Variants in PSORS1C1 observed in about 807,000 individuals in gnomAD.
The protein encoded by PSORS1C1 is psoriasis susceptibility 1 candidate gene 1 protein.
Under a neutral mutation model 9.4 loss-of-function variants are expected in PSORS1C1, and 7 were observed. The ratio of observed to expected loss-of-function variants is 0.75; its 90% CI spans 0.42 to 1.40. The LOEUF is 1.40. Ranked by LOEUF, PSORS1C1 falls within the 40% of genes most tolerant of loss-of-function variation. PSORS1C1 has a pLI of 0.01. For synonymous variants in PSORS1C1, 63 were observed against 69.4 expected, an observed-to-expected ratio of 0.91 and a Z score of 0.46; for missense variants, 146 against 178.1, an observed-to-expected ratio of 0.82 and a Z score of 1.02.
rs377342864 is a variant in PSORS1C1 at position 31,115,978 on chromosome 6, T to G, written c.-229+1087T>G. The G allele has an allele frequency of 2.6e-6, 4 of 1,521,688 alleles. No homozygotes were observed. The highest frequency in any genetic ancestry group is 3.6e-6 in the Non-Finnish European group (4 of 1,099,704). 94.3% of individuals were successfully genotyped at this position (1,521,688 alleles called of 1,614,324 possible). A position where few individuals can be genotyped will look rare whatever the true frequency, so the allele number is the denominator to read the frequency against. ...CTTCTCCCATATGGGATATAGTGTATGTGCTTGTTTGTGCCCAAGGCATGC... is the reference window on the plus strand; with the variant it reads ...CTTCTCCCATATGGGATATAGTGTAGGTGCTTGTTTGTGCCCAAGGCATGC... On this transcript the variant is annotated intron_variant, in intron 1 of 5. Transcript: ENST00000259881. This position sits in a 1 kb window ranked among gnomAD's most constrained non-coding sequence, Gnocchi z 4.2.
At chr6:31,118,843 C>CTTTTTTTTTTTTT (rs9257055) in intron 1 of PSORS1C1, 1 of 120,772 alleles carries the variant, frequency 8.3e-6, no homozygotes, top group Non-Finnish European at 1.6e-5. Context: ...TCTTCTTCTT[C>CTTTTTTTTTTTTT]TTTTTTTTTT....
Position 31,139,165 on chromosome 6 carries a change from G to C in PSORS1C1, c.167+386G>C, listed in dbSNP as rs1383505844. 1.5e-6 allele frequency: 1 copy of C among 682,444 alleles called. No homozygotes were observed. Among genetic ancestry groups the C allele is most frequent in the East Asian group, 2.7e-5 (1 of 36,844 alleles). 42.3% of individuals were successfully genotyped at this position (682,444 alleles called of 1,614,324 possible). ...CATCAGAACAGAACTGGTCAAACCC[G>C]TTGGGAAGGCCTGGGCTGATGTGTC... On this transcript the variant is annotated intron_variant, in intron 5 of 5. Coordinates refer to ENST00000259881, the MANE Select transcript of PSORS1C1 (RefSeq NM_014068.3). The surrounding 1 kb of genome is among the most constrained non-coding windows in gnomAD (Gnocchi z 5.2).
intron 3 of PSORS1C1, among the ~76,000 whole-genome samples, chr6:31,133,395 C>T (rs1773006095): frequency 6.6e-6 from 1 of 152,112 alleles, no homozygotes; most frequent in African/African-American, 2.4e-5. Flanking sequence ...CACACGAAGG[C>T]TGATGCACAT....
Position 31,139,060 on chromosome 6 carries a change from T to A in PSORS1C1, c.167+281T>A. The stretch of plus-strand genomic sequence containing the variant: ...ACTGGCCCCCAAAGCTGGGGTGGGC[T>A]GAGTCTGGGTGCCTGGGAACCCCAA... On this transcript the variant is annotated intron_variant, in intron 5 of 5. Coordinates refer to ENST00000259881, the MANE Select transcript of PSORS1C1 (RefSeq NM_014068.3). This position sits in a 1 kb window ranked among gnomAD's most constrained non-coding sequence, Gnocchi z 5.2. 1 of 1,603,030 alleles carries A rather than the reference T, an allele frequency of 6.2e-7. No individual in the cohort carries two copies. Among genetic ancestry groups the A allele is most frequent in the East Asian group, 2.2e-5 (1 of 44,810 alleles).
chr6:31,121,159 CA>C (rs1431212781), intron 1 of PSORS1C1, among the ~76,000 whole-genome samples: 2 of 122,490 alleles, frequency 1.6e-5, no homozygotes, highest in African/African-American at 6.9e-5. Context: ...CTGGGGACGG[CA>C]TGGTGGCGGG....
Position 31,139,958 on chromosome 6 carries a change from T to C in PSORS1C1, c.*26T>C. 1.3e-6 allele frequency: 2 copies of C among 1,592,058 alleles called. No individual in the cohort carries two copies. The highest frequency in any genetic ancestry group is 1.1e-5 in the South Asian group (1 of 90,336). On this transcript the variant is annotated 3_prime_UTR_variant, in exon 6 of 6. Coordinates refer to ENST00000259881, the MANE Select transcript of PSORS1C1 (RefSeq NM_014068.3). This position sits in a 1 kb window ranked among gnomAD's most constrained non-coding sequence, Gnocchi z 5.2. ...GCCTCCCAGAGAGACCCCTAGAACG[T>C]TTCCCTCAAGGACCTTTCTGCCTGG...
rs1223678855 is a variant in PSORS1C1, at chr6:31,128,346, T to G, written c.-64-1223T>G. On this transcript the variant is annotated intron_variant, in intron 2 of 5. Coordinates refer to ENST00000259881, the MANE Select transcript of PSORS1C1 (RefSeq NM_014068.3). This position sits in a 1 kb window ranked among gnomAD's most constrained non-coding sequence, Gnocchi z 4.3. ...GAGCCGCTACCTTGGCTCTCAGCAT[T>G]GCACGGGAGTTTAGAGGTTATTAAA... Among the ~76,000 whole-genome samples the G allele has an allele frequency of 6.6e-6, 1 of 152,168 alleles. No homozygotes were observed. The highest frequency in any genetic ancestry group is 2.4e-5 in the African/African-American group (1 of 41,438).
At chr6:31,126,348 G>A (rs1016711080) in intron 2 of PSORS1C1, among the ~76,000 whole-genome samples, 4 of 152,194 alleles carry the variant, frequency 2.6e-5, no homozygotes, top group Non-Finnish European at 4.4e-5. Context: ...GGGCAGGACC[G>A]TGCTGTATAC....
rs554714131 is a variant in PSORS1C1 at position 31,132,950 on chromosome 6, G to A, written c.13+3305G>A. On this transcript the variant is annotated intron_variant, in intron 3 of 5. Transcript: ENST00000259881. Reference sequence around the variant, plus strand: ...ACCAAGCTAAGTCTCATGGAGGGCTGGGGTACTGACACCTTCATATTTGTC... The same window carrying A: ...ACCAAGCTAAGTCTCATGGAGGGCTAGGGTACTGACACCTTCATATTTGTC... Among the ~76,000 whole-genome samples the A allele has an allele frequency of 3.6e-4, 55 of 152,114 alleles. 1 individual carries two copies. Among genetic ancestry groups the A allele is most frequent in the African/African-American group, 1.3e-3 (54 of 41,488 alleles).
chr6:31,135,958 A>C (rs1196146180), intron 3 of PSORS1C1, among the ~76,000 whole-genome samples: 2 of 152,168 alleles, frequency 1.3e-5, no homozygotes, highest in Admixed American at 6.5e-5. Context: ...AGAGGCTGAG[A>C]TAGGAGGATT....
At chr6:31,120,844 G>T (rs1472165505) in intron 1 of PSORS1C1, among the ~76,000 whole-genome samples, 1 of 151,974 alleles carries the variant, frequency 6.6e-6, no homozygotes. Context: ...CGCAGTCGTG[G>T]GTGTTTCAGC....
At chr6:31,116,971 T>C in intron 1 of PSORS1C1, 1 of 1,614,164 alleles carries the variant, frequency 6.2e-7, no homozygotes, top group Non-Finnish European at 8.5e-7. Flanking sequence ...ACAGGGACGC[T>C]GGTTGGAGCT....
At chr6:31,119,556 A>G (rs1251557941) in intron 1 of PSORS1C1, among the ~76,000 whole-genome samples, 1 of 152,166 alleles carries the variant, frequency 6.6e-6, no homozygotes, top group Non-Finnish European at 1.5e-5. Context: ...CCTCATCTGT[A>G]GAGTGGAAAT....
chr6:31,130,656 C>T (rs889840630), intron 3 of PSORS1C1, among the ~76,000 whole-genome samples: 2 of 152,140 alleles, frequency 1.3e-5, no homozygotes, highest in African/African-American at 4.8e-5. Flanking sequence ...CCACCTCGGC[C>T]TCCCAAAGTG....
chr6:31,138,881 G>C, intron 5 of PSORS1C1, 102 bp downstream of exon 5: 5 of 1,601,300 alleles, frequency 3.1e-6, no homozygotes, highest in Non-Finnish European at 4.3e-6. Flanking sequence ...CTGAATTCCT[G>C]TCCCCAACCC....
At chr6:31,116,842 TCCACCA>T (rs772694589) in intron 1 of PSORS1C1, 1 of 1,605,412 alleles carries the variant, frequency 6.2e-7, no homozygotes, top group Non-Finnish European at 8.5e-7. Flanking sequence ...ACCGTGCTGG[TCCACCA>T]CCACCACCAC....
chr6:31,117,626 C>T, intron 1 of PSORS1C1: 1 of 1,031,304 alleles, frequency 9.7e-7, no homozygotes. Flanking sequence ...CGGGTTTCTC[C>T]CAAGCAGAGC....
Position 31,139,011 on chromosome 6 carries a change from T to C in PSORS1C1, c.167+232T>C. On this transcript the variant is annotated intron_variant, in intron 5 of 5. Transcript: ENST00000259881. The surrounding 1 kb of genome is among the most constrained non-coding windows in gnomAD (Gnocchi z 5.2). ...CAAAGGACCAGGATCCCCAGGAGCT[T>C]CCAGTTGAGGATCATGGCTATGTAC... The C allele has an allele frequency of 6.2e-7, 1 of 1,614,036 alleles. No homozygotes were observed.
intron 2 of PSORS1C1, among the ~76,000 whole-genome samples, chr6:31,126,166 C>A (rs1772671759): frequency 6.6e-6 from 1 of 152,240 alleles, no homozygotes; most frequent in African/African-American, 2.4e-5. Context: ...TGCCCTCATT[C>A]CTCACGGGTG....
Sources: allele counts gnomAD v4.1 joint callset (sites outside exome capture counted in the v4.1 genomes callset), GRCh38; gene constraint gnomAD v4.1.1; non-coding constraint Gnocchi (gnomAD v3.1); transcripts MANE v1.5; gene names NCBI Gene and HGNC (gene_info 2026-07-23, HGNC 2026-07-21).